Variants in FAM227B observed in about 807,000 individuals in gnomAD.
The protein encoded by FAM227B is family with sequence similarity 227 member B, also known as protein FAM227B.
FAM227B carries 88 observed loss-of-function variants against 73.8 expected under a neutral mutation model. The ratio of observed to expected loss-of-function variants is 1.19; its 90% CI spans 1.00 to 1.42. The LOEUF (loss-of-function observed/expected upper bound fraction) is 1.42, where lower values mean the gene tolerates loss of function less well. Ranked by LOEUF, FAM227B falls within the 40% of genes most tolerant of loss-of-function variation. The pLI is 0.00. For missense variants in FAM227B, 632 were observed against 590.9 expected, an observed-to-expected ratio of 1.07 and a Z score of -0.72; for synonymous variants, 210 against 190.5, an observed-to-expected ratio of 1.10 and a Z score of -0.84.
intron 11 of FAM227B, among the ~76,000 whole-genome samples, chr15:49,502,836 G>C (rs1389353649): frequency 6.6e-6 from 1 of 152,146 alleles, no homozygotes; most frequent in Non-Finnish European, 1.5e-5. Context: ...GGTCTGGTGG[G>C]AAGTGGTTGG....
chr15:49,383,841 G>T (rs758721749), intron 11 of FAM227B, among the ~76,000 whole-genome samples: 5 of 152,084 alleles, frequency 3.3e-5, no homozygotes, highest in Non-Finnish European at 7.4e-5. Flanking sequence ...TAATGTGCCA[G>T]GTTGTTGAGA....
At chr15:49,463,425 G>A (rs2053979827) in intron 11 of FAM227B, among the ~76,000 whole-genome samples, 1 of 151,790 alleles carries the variant, frequency 6.6e-6, no homozygotes, top group African/African-American at 2.4e-5. Context: ...GTGGTGATGG[G>A]CGCCTGTAAT....
intron 11 of FAM227B, among the ~76,000 whole-genome samples, chr15:49,478,753 A>C (rs1477431097): frequency 6.6e-6 from 1 of 152,166 alleles, no homozygotes; most frequent in Non-Finnish European, 1.5e-5. Context: ...TAAAGCTTTA[A>C]ATGTTTCAGG....
chr15:49,460,934 C>T (rs966739458), intron 11 of FAM227B, among the ~76,000 whole-genome samples: 1 of 152,148 alleles, frequency 6.6e-6, no homozygotes, highest in African/African-American at 2.4e-5. Flanking sequence ...ACTGTCCAAG[C>T]CAAATTCCAC....
intron 12 of FAM227B, among the ~76,000 whole-genome samples, chr15:49,370,105 A>G (rs1349717266): frequency 6.6e-6 from 1 of 152,156 alleles, no homozygotes; most frequent in Non-Finnish European, 1.5e-5. Flanking sequence ...TTGATCTTGG[A>G]TTTCCCATAC....
intron 9 of FAM227B, among the ~76,000 whole-genome samples, chr15:49,546,133 G>A (rs923074487): frequency 7.3e-5 from 11 of 151,448 alleles, no homozygotes; most frequent in East Asian, 1.9e-4. Flanking sequence ...AACAGGCCCC[G>A]GTGTGTGATG....
chr15:49,527,631 G>A (rs548188307), intron 10 of FAM227B, among the ~76,000 whole-genome samples: 1 of 151,920 alleles, frequency 6.6e-6, no homozygotes, highest in East Asian at 1.9e-4. Flanking sequence ...AAGACTCACA[G>A]ATTTAATAAA....
chr15:49,434,870 A>G (rs575184847), intron 11 of FAM227B, among the ~76,000 whole-genome samples: 1 of 151,678 alleles, frequency 6.6e-6, no homozygotes, highest in African/African-American at 2.4e-5. Flanking sequence ...TTAATAAAAA[A>G]GAGAACCAAT....
chr15:49,554,831 G>T (rs538000710), intron 9 of FAM227B, among the ~76,000 whole-genome samples: 2 of 151,914 alleles, frequency 1.3e-5, no homozygotes, highest in Admixed American at 6.6e-5. Context: ...GTGTTCTTGT[G>T]GGGGGACAAT....
At chr15:49,418,142 A>G (rs1295261600) in intron 11 of FAM227B, among the ~76,000 whole-genome samples, 1 of 152,358 alleles carries the variant, frequency 6.6e-6, no homozygotes, top group African/African-American at 2.4e-5. Flanking sequence ...CAGAATGGCT[A>G]TTACTAAAAA....
chr15:49,563,834 T>C (rs1182463859), intron 9 of FAM227B, among the ~76,000 whole-genome samples: 1 of 152,130 alleles, frequency 6.6e-6, no homozygotes, highest in Non-Finnish European at 1.5e-5. Context: ...TATACAAAGA[T>C]TGACTCAAGA....
At chr15:49,424,310 A>T in intron 11 of FAM227B, 1 of 1,613,396 alleles carries the variant, frequency 6.2e-7, no homozygotes, top group Non-Finnish European at 8.5e-7. Context: ...GCACAAATGG[A>T]TACTGACATG....
At position 49,457,290 on chromosome 15, in the gene FAM227B, T is replaced by C. The variant is rs551505006; in HGVS notation, c.1012+50921A>G. ...AATGCGGTAACAACGGTGTTAGTAA[T>C]AGAAATGGAAAAAAATCAAATCAGC... On this transcript the variant is annotated intron_variant, in intron 11 of 15. Transcript: ENST00000299338. Among the ~76,000 whole-genome samples the C allele has an allele frequency of 5.3e-5, 8 of 152,056 alleles. No individual in the cohort carries two copies. In the South Asian group the frequency reaches 1.7e-3, roughly 32 times the overall value.
intron 11 of FAM227B, among the ~76,000 whole-genome samples, chr15:49,396,815 A>G (rs2047701052): frequency 6.6e-6 from 1 of 151,682 alleles, no homozygotes; most frequent in Non-Finnish European, 1.5e-5. Context: ...ACTAACAAAC[A>G]GAAAGGACAT....
intron 5 of FAM227B, 60 bp downstream of exon 5, chr15:49,587,956 G>T: frequency 1.5e-6 from 2 of 1,317,208 alleles, no homozygotes; most frequent in Non-Finnish European, 2.0e-6. Flanking sequence ...TGGAAATGTA[G>T]TGTTTATATT....
chr15:49,343,414 C>T (rs1270350462), intron 13 of FAM227B, among the ~76,000 whole-genome samples: 1 of 152,034 alleles, frequency 6.6e-6, no homozygotes, highest in Non-Finnish European at 1.5e-5. Context: ...TACTTCATTT[C>T]CTGAATTGAT....
chr15:49,470,697 T>G (rs548011852), intron 11 of FAM227B, among the ~76,000 whole-genome samples: 1 of 152,340 alleles, frequency 6.6e-6, no homozygotes, highest in East Asian at 1.9e-4. Flanking sequence ...TGTGTAAATG[T>G]GATAGAAATA....
intron 11 of FAM227B, among the ~76,000 whole-genome samples, chr15:49,398,692 T>A (rs2047889255): frequency 7.0e-5 from 1 of 14,194 alleles, no homozygotes; most frequent in East Asian, 9.3e-4. Context: ...GGATTAAGAA[T>A]CTCACTCAAA....
chr15:49,446,804 A>G (rs2052261070), intron 11 of FAM227B, among the ~76,000 whole-genome samples: 1 of 151,550 alleles, frequency 6.6e-6, no homozygotes, highest in Admixed American at 6.6e-5. Flanking sequence ...GATAAATGGG[A>G]GAGACAGAAT....
Sources: allele counts gnomAD v4.1 joint callset (sites outside exome capture counted in the v4.1 genomes callset), GRCh38; gene constraint gnomAD v4.1.1; transcripts MANE v1.5; gene names NCBI Gene and HGNC (gene_info 2026-07-23, HGNC 2026-07-21).